SDHB: variants seen among roughly 807,000 people sequenced by gnomAD.
SDHB encodes the protein succinate dehydrogenase complex iron sulfur subunit B.
A neutral mutation model predicts 39.7 loss-of-function variants in SDHB; 21 were observed. The ratio of observed to expected loss-of-function variants is 0.53; its 90% CI spans 0.37 to 0.76. The LOEUF (loss-of-function observed/expected upper bound fraction) is 0.76, where lower values mean the gene tolerates loss of function less well. Ranked by LOEUF, SDHB falls within the 30% of genes least tolerant of loss-of-function variation. The pLI, the probability that SDHB is intolerant of heterozygous loss-of-function variation, is 0.00. For missense variants in SDHB, 343 were observed against 350.9 expected, an observed-to-expected ratio of 0.98 and a Z score of 0.18; for synonymous variants, 118 against 117.0, an observed-to-expected ratio of 1.01 and a Z score of -0.06.
At position 17,033,032 on chromosome 1, in the gene SDHB, T is replaced by C. The variant is rs1299622297; in HGVS notation, c.286+28A>G. 3.8e-6 allele frequency: 6 copies of C among 1,576,224 alleles called. No homozygotes were observed. In the Admixed American group the frequency reaches 1.0e-4, roughly 26 times the overall value. ...GCCTCTTTGGAAGACCACAAGTATC[T>C]GGAGCCCAACAGGAATGAAATGCTC... On this transcript the variant is annotated intron_variant, in intron 3 of 7. Transcript: ENST00000375499.
At chr1:17,028,354 C>T (rs1364546021) in intron 4 of SDHB, among the ~76,000 whole-genome samples, 1 of 152,164 alleles carries the variant, frequency 6.6e-6, no homozygotes, top group Non-Finnish European at 1.5e-5. Context: ...TATCTTCTGC[C>T]ATTCAAATTC....
At chr1:17,026,974 A>G (rs975990633) in intron 5 of SDHB, among the ~76,000 whole-genome samples, 6 of 152,174 alleles carry the variant, frequency 3.9e-5, no homozygotes, top group African/African-American at 1.4e-4. Context: ...TACATAACTA[A>G]TATTTATGGA....
chr1:17,028,881 T>G, intron 3 of SDHB, 145 bp from the exon 4 acceptor site: 1 of 977,466 alleles, frequency 1.0e-6, no homozygotes, highest in South Asian at 1.3e-5. Flanking sequence ...CTGTTGGCTT[T>G]TCTCCCTTCC....
chr1:17,054,032 C>T lies in SDHB; in HGVS notation c.-13G>A. 6.2e-7 allele frequency: 1 copy of T among 1,602,970 alleles called. No homozygotes were observed. The highest frequency in any genetic ancestry group is 8.5e-7 in the Non-Finnish European group (1 of 1,172,258). On this transcript the variant is annotated 5_prime_UTR_variant, in exon 1 of 8. Transcript: ENST00000375499. ...CCACCGCCGCCATCTTGGCTCCTGA[C>T]GTCAGCCCCACCCCTTAACCCCGAG...
intron 5 of SDHB, among the ~76,000 whole-genome samples, chr1:17,026,455 C>G (rs1330548933): frequency 2.6e-5 from 4 of 152,194 alleles, no homozygotes; most frequent in African/African-American, 9.7e-5. Flanking sequence ...ACCTCCACCT[C>G]CCGGGTTCAA....
At chr1:17,048,194 T>A (rs1397378042) in intron 1 of SDHB, among the ~76,000 whole-genome samples, 1 of 152,234 alleles carries the variant, frequency 6.6e-6, no homozygotes, top group Non-Finnish European at 1.5e-5. Flanking sequence ...TCTCTACTTC[T>A]CAAATTCGGT....
At chr1:17,032,204 CT>C (rs759941990) in intron 3 of SDHB, among the ~76,000 whole-genome samples, 193 of 142,882 alleles carry the variant, frequency 1.4e-3, no homozygotes, top group Admixed American at 1.2e-3. Flanking sequence ...TTATATTTTT[CT>C]TTTTTTTTTT....
intron 1 of SDHB, among the ~76,000 whole-genome samples, chr1:17,046,341 T>C (rs1208140628): frequency 7.0e-6 from 1 of 143,804 alleles, no homozygotes; most frequent in Non-Finnish European, 1.6e-5. Flanking sequence ...GGACTTTGCT[T>C]GCTTAATGTC....
chr1:17,028,947 T>C (rs2078006774), intron 3 of SDHB, among the ~76,000 whole-genome samples: 1 of 152,148 alleles, frequency 6.6e-6, no homozygotes, highest in African/African-American at 2.4e-5. Flanking sequence ...AAAACTACTC[T>C]ATGACCATGT....
intron 1 of SDHB, among the ~76,000 whole-genome samples, chr1:17,048,463 CTG>C (rs3036957): frequency 0.42 from 63,840 of 151,778 alleles, 15,060 homozygotes; most frequent in Non-Finnish European, 0.54. Flanking sequence ...GGACAAATTT[CTG>C]TGTGAACGTT....
intron 5 of SDHB, among the ~76,000 whole-genome samples, chr1:17,026,172 G>C (rs1222017225): frequency 6.6e-6 from 1 of 152,192 alleles, no homozygotes; most frequent in Non-Finnish European, 1.5e-5. Context: ...CGCTGGGCCA[G>C]AGGGCCCGGT....
In SDHB at chr1:17,024,082, G is replaced by A; in HGVS notation, c.541-8C>T. 1.9e-6 allele frequency: 3 copies of A among 1,602,394 alleles called. No homozygotes were observed. Among genetic ancestry groups the A allele is most frequent in the Non-Finnish European group, 1.7e-6 (2 of 1,170,818 alleles). ...GCACTCGTAGAGCCCGTCCTGTATG[G>A]GGAGAAAAGAGAGGCAGGAGCTTGT... is the stretch of plus-strand genomic sequence containing the variant. On this transcript the variant is annotated splice_polypyrimidine_tract_variant and splice_region_variant and intron_variant, in intron 5 of 7. Coordinates refer to ENST00000375499, the MANE Select transcript of SDHB (RefSeq NM_003000.3).
intron 7 of SDHB, among the ~76,000 whole-genome samples, chr1:17,020,881 G>C (rs2077957276): frequency 6.6e-6 from 1 of 152,202 alleles, no homozygotes; most frequent in Non-Finnish European, 1.5e-5. Context: ...GAAACACAGA[G>C]GGTTTCCAGG....
intron 5 of SDHB, among the ~76,000 whole-genome samples, chr1:17,027,243 C>T (rs2077995914): frequency 6.6e-6 from 1 of 152,208 alleles, no homozygotes; most frequent in Non-Finnish European, 1.5e-5. Context: ...ACAGGAATGG[C>T]AACTCCCAGA....
intron 5 of SDHB, 142 bp downstream of exon 5, chr1:17,027,607 G>T (rs2077998209): frequency 1.4e-6 from 1 of 726,028 alleles, no homozygotes; most frequent in Non-Finnish European, 2.5e-6. Context: ...CTAAGAGGAT[G>T]AGTGCCCCAC....
chr1:17,029,513 C>A (rs2078011763), intron 3 of SDHB, among the ~76,000 whole-genome samples: 1 of 151,894 alleles, frequency 6.6e-6, no homozygotes, highest in South Asian at 2.1e-4. Context: ...CTCACTGCAA[C>A]CTCCGCCTCC....
chr1:17,022,708 G>C lies in SDHB; in HGVS notation c.665C>G (p.Ser222Cys). ...GCGCTCCTCTGTGAAGTCATCTCTG[G>C]AGTCAATCATCCAGCGATAGGCCTG... ...LMQAYRWMIDSRDDFTEERLA... is the reference protein window; with the variant it reads ...LMQAYRWMIDCRDDFTEERLA... Residue 222 changes from serine (S) to cysteine (C), a missense_variant, in exon 7 of 8, where the codon TCC (serine) becomes TGC (cysteine). Physicochemically the swap from Ser to Cys is moderately radical, Grantham distance 112. Transcript: ENST00000375499. The C allele has an allele frequency of 6.2e-7, 1 of 1,613,856 alleles. No homozygotes were observed. The highest frequency in any genetic ancestry group is 1.3e-5 in the African/African-American group (1 of 75,002).
chr1:17,044,984 C>G (rs2078101676), intron 1 of SDHB, 96 bp from the exon 2 acceptor site: 1 of 1,085,880 alleles, frequency 9.2e-7, no homozygotes, highest in Non-Finnish European at 1.4e-6. Context: ...TGGATATAAA[C>G]TCACACATTA....
chr1:17,030,954 CTTTTTT>C (rs35938342), intron 3 of SDHB, among the ~76,000 whole-genome samples: 1 of 142,020 alleles, frequency 7.0e-6, no homozygotes, highest in Non-Finnish European at 1.5e-5. Flanking sequence ...CTGGCCTCAC[CTTTTTT>C]TTTTTTTTTT....
Sources: allele counts gnomAD v4.1 joint callset (sites outside exome capture counted in the v4.1 genomes callset), GRCh38; gene constraint gnomAD v4.1.1; transcripts MANE v1.5; gene names NCBI Gene and HGNC (gene_info 2026-07-23, HGNC 2026-07-21).